Variants in MPP7 observed in about 807,000 individuals in gnomAD.
MPP7 encodes the protein MAGUK p55 subfamily member 7.
In MPP7, 60 loss-of-function variants were observed where a neutral mutation model predicts 76.5. The ratio of observed to expected loss-of-function variants is 0.78; its 90% CI spans 0.64 to 0.97. The LOEUF (loss-of-function observed/expected upper bound fraction) is 0.97. MPP7 is among the 50% of genes least tolerant of loss of function. MPP7 has a pLI of 0.00. For synonymous variants in MPP7, 237 were observed against 244.5 expected (o/e 0.97, Z 0.29); for missense variants, 641 against 694.0 (o/e 0.92, Z 0.86).
intron 12 of MPP7, among the ~76,000 whole-genome samples, chr10:28,077,082 CAA>C (rs10577715): frequency 0.18 from 18,768 of 107,034 alleles, 1,472 homozygotes; most frequent in East Asian, 0.32. Flanking sequence ...TCTCTAACTA[CAA>C]AAAAAAAAAA....
chr10:28,327,238 A>T (rs1436941061), intron 2 of MPP7, among the ~76,000 whole-genome samples: 2 of 119,714 alleles, frequency 1.7e-5, no homozygotes, highest in Non-Finnish European at 1.7e-5. Context: ...AAGTAAAAAA[A>T]AAAAAAAAAA....
chr10:28,208,009 T>C (rs1264151025), intron 2 of MPP7, among the ~76,000 whole-genome samples: 1 of 152,108 alleles, frequency 6.6e-6, no homozygotes, highest in Non-Finnish European at 1.5e-5. Context: ...ATATAAATAA[T>C]TATTACCTAT....
At chr10:28,252,357 G>A (rs527701059) in intron 1 of MPP7, among the ~76,000 whole-genome samples, 1 of 152,256 alleles carries the variant, frequency 6.6e-6, no homozygotes, top group South Asian at 2.1e-4. Context: ...CCATAGTAGG[G>A]CATTCCCCCA....
intron 3 of MPP7, among the ~76,000 whole-genome samples, chr10:28,166,326 G>T (rs1012542430): frequency 6.6e-6 from 1 of 150,520 alleles, no homozygotes; most frequent in Non-Finnish European, 1.5e-5. Flanking sequence ...ATCTAACCCT[G>T]TGTGCCCCTT....
At chr10:28,165,548 AAAAG>A (rs1325948429) in intron 3 of MPP7, among the ~76,000 whole-genome samples, 1 of 151,734 alleles carries the variant, frequency 6.6e-6, no homozygotes, top group Non-Finnish European at 1.5e-5. Context: ...AAAAAAAAAA[AAAAG>A]AAAGAAGCCT....
At chr10:28,272,624 C>T (rs567657811) in intron 1 of MPP7, among the ~76,000 whole-genome samples, 1 of 152,146 alleles carries the variant, frequency 6.6e-6, no homozygotes, top group African/African-American at 2.4e-5. Flanking sequence ...ATGACTCAGT[C>T]AACTAAACGT....
intron 1 of MPP7, among the ~76,000 whole-genome samples, chr10:28,248,854 G>A (rs2132832979): frequency 6.6e-6 from 1 of 152,262 alleles, no homozygotes; most frequent in East Asian, 1.9e-4. Context: ...AGTGGGCTCT[G>A]CCATTTGGGT....
chr10:28,113,483 C>T (rs1249379680), intron 11 of MPP7, among the ~76,000 whole-genome samples: 1 of 152,162 alleles, frequency 6.6e-6, no homozygotes, highest in African/African-American at 2.4e-5. Context: ...GAGTGGCTAT[C>T]TTGGTAGGAA....
chr10:28,328,618 A>G (rs1834441926), intron 2 of MPP7, among the ~76,000 whole-genome samples: 1 of 150,438 alleles, frequency 6.6e-6, no homozygotes, highest in Non-Finnish European at 1.5e-5. Flanking sequence ...TTCCAAATAG[A>G]GTAGAAAGGC....
At position 28,078,965 on chromosome 10, in the gene MPP7, T is replaced by C. The variant is rs943613354; in HGVS notation, c.1124-9113A>G. On this transcript the variant is annotated intron_variant, in intron 12 of 16. Transcript: ENST00000683449. ...TTAACTACATGCAAAGATTCTTTTA[T>C]GTTTATCTTAAAAAGGTTAAAAATC... 2.6e-5 allele frequency among the ~76,000 whole-genome samples: 4 copies of C among 152,236 alleles called. No individual in the cohort carries two copies. The East Asian group carries it at 5.8e-4, about 22-fold the overall frequency.
chr10:28,157,103 G>A (rs1836090593), intron 3 of MPP7, among the ~76,000 whole-genome samples: 1 of 151,976 alleles, frequency 6.6e-6, no homozygotes, highest in Admixed American at 6.5e-5. Context: ...CCAGCTACTC[G>A]GGAGGCTGAG....
chr10:28,054,132 A>T lies in MPP7; in HGVS notation c.1664T>A (p.Leu555His). ...CTCTAATTTGTCAAAAGTTGTTTTG[A>T]GCTCATTGAATGCCACAGTGAGGTC... is the stretch of plus-strand genomic sequence containing the variant. ...NDDLTVAFNE[L>H]KTTFDKLETE... Residue 555 changes from leucine (L) to histidine (H), a missense_variant, in exon 17 of 17, where the codon CTC (leucine) becomes CAC (histidine). Transcript: ENST00000683449. The T allele has an allele frequency of 6.2e-7, 1 of 1,613,562 alleles. No individual in the cohort carries two copies. Among genetic ancestry groups the T allele is most frequent in the Non-Finnish European group, 8.5e-7 (1 of 1,179,696 alleles).
At chr10:28,272,016 T>C (rs889179895) in intron 1 of MPP7, among the ~76,000 whole-genome samples, 3 of 151,986 alleles carry the variant, frequency 2.0e-5, no homozygotes, top group African/African-American at 7.3e-5. Context: ...CTTACAAGGA[T>C]GCATGTTTGA....
At chr10:28,189,409 C>CA (rs201398751) in intron 3 of MPP7, among the ~76,000 whole-genome samples, 7 of 149,698 alleles carry the variant, frequency 4.7e-5, no homozygotes, top group African/African-American at 2.5e-5. Context: ...CAAAAAAATA[C>CA]AAAAAAAAAG....
chr10:28,257,019 T>C (rs976082730), intron 1 of MPP7, among the ~76,000 whole-genome samples: 9 of 152,220 alleles, frequency 5.9e-5, no homozygotes, highest in African/African-American at 1.4e-4. Context: ...CTCTGAGTTA[T>C]GTCAGCCTGA....
intron 1 of MPP7, among the ~76,000 whole-genome samples, chr10:28,252,624 G>A (rs1839649949): frequency 6.6e-6 from 1 of 152,146 alleles, no homozygotes; most frequent in Non-Finnish European, 1.5e-5. Flanking sequence ...ATGTGAAAAG[G>A]CAAGAAGTAC....
At chr10:28,076,113 G>A (rs1852472676) in intron 12 of MPP7, among the ~76,000 whole-genome samples, 1 of 152,120 alleles carries the variant, frequency 6.6e-6, no homozygotes, top group Admixed American at 6.5e-5. Context: ...ATCTGAACTT[G>A]GCTCTTTATC....
At chr10:28,122,259 TCA>T (rs982615624) in intron 8 of MPP7, among the ~76,000 whole-genome samples, 2 of 152,160 alleles carry the variant, frequency 1.3e-5, no homozygotes, top group Non-Finnish European at 2.9e-5. Flanking sequence ...TAATAAGGAC[TCA>T]ATTGTTATTA....
At chr10:28,273,093 T>G (rs998519646) in intron 1 of MPP7, among the ~76,000 whole-genome samples, 1 of 152,132 alleles carries the variant, frequency 6.6e-6, no homozygotes, top group Non-Finnish European at 1.5e-5. Context: ...ATTTTTTGTA[T>G]TTTTAGTAGA....
Sources: allele counts gnomAD v4.1 joint callset (sites outside exome capture counted in the v4.1 genomes callset), GRCh38; gene constraint gnomAD v4.1.1; transcripts MANE v1.5; gene names NCBI Gene and HGNC (gene_info 2026-07-23, HGNC 2026-07-21).